The following USP46 variants were observed in gnomAD, a reference collection of about 807,000 sequenced individuals.
The protein encoded by USP46 is ubiquitin specific peptidase 46.
USP46 carries 12 observed loss-of-function variants against 44.4 expected under a neutral mutation model. The ratio of observed to expected loss-of-function variants is 0.27; its 90% CI spans 0.17 to 0.44. USP46 has a LOEUF of 0.44. Among genes scored for constraint, USP46 ranks in the 20% least tolerant of loss-of-function variants. The pLI, the probability that USP46 is intolerant of heterozygous loss-of-function variation, is 1.00. For synonymous variants in USP46, 155 were observed against 161.5 expected (o/e 0.96, Z 0.31); for missense variants, 248 against 444.8 (o/e 0.56, Z 3.98).
intron 5 of USP46, among the ~76,000 whole-genome samples, chr4:52,608,113 C>T (rs1716769034): frequency 6.6e-6 from 1 of 152,118 alleles, no homozygotes; most frequent in African/African-American, 2.4e-5. Flanking sequence ...GAGAAGAAAA[C>T]ACACTTTGGG....
At chr4:52,632,924 GAAA>G (rs1717904339) in intron 1 of USP46, among the ~76,000 whole-genome samples, 1 of 46,716 alleles carries the variant, frequency 2.1e-5, no homozygotes, top group Non-Finnish European at 3.9e-5. Flanking sequence ...GAAAGAGAAA[GAAA>G]GAAAGAAAGA....
At chr4:52,608,034 A>T (rs1716763314) in intron 5 of USP46, among the ~76,000 whole-genome samples, 1 of 152,172 alleles carries the variant, frequency 6.6e-6, no homozygotes, top group Non-Finnish European at 1.5e-5. Flanking sequence ...TCAGTTATAG[A>T]TCAAACTCCT....
intron 4 of USP46, among the ~76,000 whole-genome samples, chr4:52,619,256 T>G (rs540534664): frequency 6.6e-6 from 1 of 151,978 alleles, no homozygotes; most frequent in South Asian, 2.1e-4. Flanking sequence ...CAGTTGACAT[T>G]TGCACTGCAA....
At position 52,648,764 on chromosome 4, in the gene USP46, C is replaced by T. The variant is rs1457617279; in HGVS notation, c.36+10351G>A. Among the ~76,000 whole-genome samples the T allele has an allele frequency of 3.3e-5, 5 of 152,182 alleles. 1 individual carries two copies. Among genetic ancestry groups the T allele is most frequent in the Admixed American group, 3.3e-4 (5 of 15,280 alleles). On this transcript the variant is annotated intron_variant, in intron 1 of 8. Coordinates refer to ENST00000441222, the MANE Select transcript of USP46 (RefSeq NM_022832.4). The stretch of plus-strand genomic sequence containing the variant: ...ATTCATGAGGCAGGGAAACCCAGTT[C>T]CTGAAGCATACTGAAACTCTGCATT...
chr4:52,603,960 T>C (rs1445909319), intron 6 of USP46, among the ~76,000 whole-genome samples: 2 of 152,186 alleles, frequency 1.3e-5, no homozygotes, highest in African/African-American at 2.4e-5. Context: ...GCTGGGATTA[T>C]AGGTGTGAGC....
At position 52,604,509 on chromosome 4, in the gene USP46, G is replaced by C. The variant is rs773214261; in HGVS notation, c.714C>G (p.Ala238=). ...GCTAAATCTTTACCTACCTTTTCTG[G>C]GCTTCTTGTTTGCTGCAGCATGTTT... is the stretch of plus-strand genomic sequence containing the variant. ...YCETCCSKQE[A]QKRMRVKKLP... Residue 238 remains alanine (A), a synonymous_variant, in exon 6 of 9, where the codon GCC becomes GCG. Transcript: ENST00000441222. 6.2e-7 allele frequency: 1 copy of C among 1,610,502 alleles called. No individual in the cohort carries two copies. The highest frequency in any genetic ancestry group is 1.1e-5 in the South Asian group (1 of 90,196).
chr4:52,643,792 TGAAAAAAATGTAGG>T (rs1279631472), intron 1 of USP46, among the ~76,000 whole-genome samples: 2 of 152,082 alleles, frequency 1.3e-5, no homozygotes, highest in African/African-American at 4.8e-5. Context: ...ATTCTACACA[TGAAAAAAATGTAGG>T]GAACCTGCCC....
intron 1 of USP46, 62 bp from the exon 2 acceptor site, chr4:52,631,206 C>T (rs1214951224): frequency 1.5e-6 from 2 of 1,303,402 alleles, no homozygotes; most frequent in Non-Finnish European, 2.1e-6. Context: ...TAAAATCATA[C>T]CTAAAAGAGT....
chr4:52,628,270 G>A (rs1016168105), intron 2 of USP46, 107 bp from the exon 3 acceptor site: 4 of 1,086,688 alleles, frequency 3.7e-6, no homozygotes, highest in South Asian at 3.1e-5. Context: ...TGGCCTGGAT[G>A]TCCCTGTATT....
chr4:52,621,067 A>C (rs1233280079), intron 4 of USP46, among the ~76,000 whole-genome samples: 2 of 152,366 alleles, frequency 1.3e-5, no homozygotes, highest in East Asian at 3.9e-4. Flanking sequence ...AAACTGAACT[A>C]TATATTTCAG....
intron 4 of USP46, among the ~76,000 whole-genome samples, chr4:52,625,567 C>T (rs572860012): frequency 6.6e-6 from 1 of 152,284 alleles, no homozygotes; most frequent in African/African-American, 2.4e-5. Flanking sequence ...AAGTAACTCG[C>T]CCCAAATACC....
chr4:52,595,042 T>C lies in USP46; in HGVS notation c.*2598A>G, dbSNP rs1373709763. ...AGCAAATGTTCCTTCTGTTTTTTTT[T>C]TAAAGTGTAAAACATTGTAACTTAT... On this transcript the variant is annotated 3_prime_UTR_variant, in exon 9 of 9. Transcript: ENST00000441222. 1 of 152,576 alleles carries C rather than the reference T, an allele frequency of 6.6e-6. No individual in the cohort carries two copies. Among genetic ancestry groups the C allele is most frequent in the Admixed American group, 6.6e-5 (1 of 15,260 alleles). 9.5% of individuals were successfully genotyped at this position (152,576 alleles called of 1,614,324 possible).
intron 1 of USP46, among the ~76,000 whole-genome samples, chr4:52,658,454 C>A (rs897167695): frequency 6.6e-6 from 1 of 152,170 alleles, no homozygotes; most frequent in Non-Finnish European, 1.5e-5. Flanking sequence ...TCCAAGCCCA[C>A]AGCCCGCCCC....
At chr4:52,631,009 G>A (rs1717802638) in intron 2 of USP46, 55 bp downstream of exon 2, 10 of 1,447,928 alleles carry the variant, frequency 6.9e-6, no homozygotes, top group Non-Finnish European at 9.4e-6. Flanking sequence ...TTAAAGTGGA[G>A]TTGCTTCATA....
intron 4 of USP46, among the ~76,000 whole-genome samples, chr4:52,624,525 C>T (rs985851371): frequency 5.9e-5 from 9 of 152,120 alleles, no homozygotes; most frequent in Non-Finnish European, 1.3e-4. Context: ...AAACAGAATG[C>T]TTGACTCAAA....
At chr4:52,618,868 G>C (rs1308085410) in intron 4 of USP46, among the ~76,000 whole-genome samples, 1 of 152,128 alleles carries the variant, frequency 6.6e-6, no homozygotes, top group Non-Finnish European at 1.5e-5. Context: ...TGCAAACAAA[G>C]CAATGAGGAG....
chr4:52,615,860 G>A (rs765713391), intron 4 of USP46, among the ~76,000 whole-genome samples: 11 of 152,262 alleles, frequency 7.2e-5, no homozygotes, highest in South Asian at 4.1e-4. Flanking sequence ...TTTATGGCAC[G>A]TAAATTATAC....
At chr4:52,658,964 C>G in intron 1 of USP46, 151 bp downstream of exon 1, 1 of 925,298 alleles carries the variant, frequency 1.1e-6, no homozygotes, top group Non-Finnish European at 1.5e-6. Flanking sequence ...GTGGCTGCGG[C>G]CGCGCGCCCA....
chr4:52,606,514 A>G (rs1427090518), intron 5 of USP46, among the ~76,000 whole-genome samples: 1 of 152,180 alleles, frequency 6.6e-6, no homozygotes, highest in Non-Finnish European at 1.5e-5. Context: ...CATTTATAAA[A>G]CCATCAGATC....
Sources: gnomAD v4.1 joint callset for allele counts (sites outside exome capture counted in the v4.1 genomes callset) on GRCh38, gnomAD v4.1.1 for gene constraint, MANE v1.5 for transcripts, NCBI Gene and HGNC (gene_info 2026-07-23, HGNC 2026-07-21) for gene names.